PLA2G4C: variants seen among roughly 807,000 people sequenced by gnomAD.
PLA2G4C encodes the protein phospholipase A2 group IVC.
PLA2G4C carries 64 observed loss-of-function variants against 73.8 expected under a neutral mutation model. That is an observed-to-expected ratio of 0.87 (90% CI 0.71 to 1.07). The LOEUF (loss-of-function observed/expected upper bound fraction) is 1.07, where lower values mean the gene tolerates loss of function less well. Among genes scored for constraint, PLA2G4C ranks in the 50% least tolerant of loss-of-function variants. The pLI is 0.00. For synonymous variants in PLA2G4C, 254 were observed against 252.1 expected, an observed-to-expected ratio of 1.01 and a Z score of -0.07; for missense variants, 622 against 665.4, an observed-to-expected ratio of 0.93 and a Z score of 0.72.
At chr19:48,100,288 G>A (rs944685154) in intron 4 of PLA2G4C, among the ~76,000 whole-genome samples, 7 of 152,036 alleles carry the variant, frequency 4.6e-5, no homozygotes, top group East Asian at 1.9e-4. Context: ...AGGACGAGGC[G>A]GGAGGATTGC....
Position 48,090,418 on chromosome 19 carries a change from C to G in PLA2G4C, c.710-1G>C. The G allele has an allele frequency of 6.2e-7, 1 of 1,610,378 alleles. No homozygotes were observed. The highest frequency in any genetic ancestry group is 8.5e-7 in the Non-Finnish European group (1 of 1,176,622). ...TTACCAAGAGCACTTCCCCATAAAC[C>G]TGCCAAGAAAAGAGCAATAAAATTC... On this transcript the variant is annotated splice_acceptor_variant, in intron 7 of 16. Coordinates refer to ENST00000599921, the MANE Select transcript of PLA2G4C (RefSeq NM_003706.3). LOFTEE classifies it high-confidence loss of function.
At chr19:48,059,893 C>T (rs780564986) in intron 14 of PLA2G4C, among the ~76,000 whole-genome samples, 6 of 151,648 alleles carry the variant, frequency 4.0e-5, no homozygotes, top group East Asian at 1.9e-4. Context: ...CTCAGCCTCC[C>T]GAGTAGCTGG....
chr19:48,105,215 A>ATAGAAGTTCATATCCTTCTATTTCTG (rs1568456398), intron 3 of PLA2G4C, 118 bp downstream of exon 3: 2 of 676,724 alleles, frequency 3.0e-6, no homozygotes, highest in Admixed American at 2.6e-5. Context: ...TTCTATTTCT[A>ATAGAAGTTCATATCCTTCTATTTCTG]TCCCATAGAA....
chr19:48,097,831 G>A (rs1340065504), intron 6 of PLA2G4C: 2 of 294,172 alleles, frequency 6.8e-6, no homozygotes, highest in Non-Finnish European at 1.3e-5. Context: ...GTTGCCCAGG[G>A]TGGTCTCCAA....
chr19:48,066,813 A>C (rs557500108), intron 13 of PLA2G4C, among the ~76,000 whole-genome samples: 8 of 151,882 alleles, frequency 5.3e-5, no homozygotes, highest in Non-Finnish European at 1.2e-4. Flanking sequence ...AAAAAGAAAA[A>C]GAAAAATTAG....
intron 4 of PLA2G4C, among the ~76,000 whole-genome samples, chr19:48,100,628 A>AAT (rs71181646): frequency 1.4e-5 from 2 of 144,642 alleles, no homozygotes; most frequent in South Asian, 4.4e-4. Context: ...AAAAAAAAAA[A>AAT]GCTGGGCGTG....
chr19:48,077,745 G>A lies in PLA2G4C; in HGVS notation c.898+26C>T, dbSNP rs774319344. The stretch of plus-strand genomic sequence containing the variant: ...GTGTGCAGTCCACACTATCATTAGG[G>A]ATTCATGGCAAAGTAGGATGCTTAC... On this transcript the variant is annotated intron_variant, in intron 11 of 16. Transcript: ENST00000599921. 37 of 1,565,992 alleles carry A rather than the reference G, an allele frequency of 2.4e-5. No homozygotes were observed. The South Asian group carries it at 4.1e-4, about 17-fold the overall frequency.
intron 13 of PLA2G4C, 47 bp from the exon 14 acceptor site, chr19:48,062,199 A>T: frequency 6.7e-7 from 1 of 1,487,928 alleles, no homozygotes; most frequent in South Asian, 1.3e-5. Flanking sequence ...TGGGGACTGA[A>T]AGCAAGACTT....
intron 14 of PLA2G4C, among the ~76,000 whole-genome samples, chr19:48,056,116 A>G (rs1471958930): frequency 2.6e-5 from 4 of 152,188 alleles, no homozygotes; most frequent in African/African-American, 9.7e-5. Flanking sequence ...CCTGAACCAG[A>G]GCAAAAGGAC....
intron 4 of PLA2G4C, among the ~76,000 whole-genome samples, chr19:48,101,128 T>A (rs251673): frequency 0.019 from 608 of 31,780 alleles, 1 homozygote; most frequent in South Asian, 0.043. Context: ...ATATATATAT[T>A]TTTTTTTTTT....
At chr19:48,078,928 G>C (rs968445033) in intron 10 of PLA2G4C, among the ~76,000 whole-genome samples, 1 of 144,384 alleles carries the variant, frequency 6.9e-6, no homozygotes, top group African/African-American at 2.6e-5. Flanking sequence ...GGAGTGCAAT[G>C]GCCAATTTTG....
intron 6 of PLA2G4C, among the ~76,000 whole-genome samples, chr19:48,097,375 C>T (rs1195578313): frequency 1.3e-5 from 2 of 148,996 alleles, no homozygotes; most frequent in African/African-American, 5.0e-5. Context: ...GCCTCAGCCT[C>T]CCGAGCAGCT....
At chr19:48,064,150 C>T (rs758368721) in intron 13 of PLA2G4C, among the ~76,000 whole-genome samples, 40 of 152,194 alleles carry the variant, frequency 2.6e-4, no homozygotes, top group Non-Finnish European at 3.8e-4. Flanking sequence ...CTATTTTGGC[C>T]GGGCACGGTG....
At position 48,051,214 on chromosome 19, in the gene PLA2G4C, A is replaced by T. The variant is rs192437021; in HGVS notation, c.1580+1783T>A. ...CCCTAGAAGCTGAAAAAGGCAAGGA[A>T]CAGCTTCTCCCCTGGAGCCTCCGCA... On this transcript the variant is annotated intron_variant, in intron 16 of 16. Transcript: ENST00000599921. 4.9e-4 allele frequency among the ~76,000 whole-genome samples: 74 copies of T among 152,160 alleles called. No homozygotes were observed. In the East Asian group the frequency reaches 0.014, roughly 28 times the overall value.
intron 8 of PLA2G4C, chr19:48,090,062 C>T (rs1311847325): frequency 2.8e-6 from 1 of 351,960 alleles, no homozygotes; most frequent in Non-Finnish European, 5.2e-6. Context: ...ATATTCATAA[C>T]TACTGTTATT....
intron 10 of PLA2G4C, among the ~76,000 whole-genome samples, chr19:48,083,851 G>A (rs2030803823): frequency 6.6e-6 from 1 of 151,980 alleles, no homozygotes. Flanking sequence ...AGGCAGACAG[G>A]CTTTGGATCA....
intron 2 of PLA2G4C, among the ~76,000 whole-genome samples, chr19:48,105,897 C>T (rs1372070888): frequency 2.5e-3 from 6 of 2,400 alleles, no homozygotes; most frequent in African/African-American, 0.021. Flanking sequence ...TTCCCTCCCT[C>T]CCTCCCTCCC....
At position 48,110,529 on chromosome 19, in the gene PLA2G4C, T is replaced by C. The variant is rs1169693240; in HGVS notation, c.-75A>G. The C allele has an allele frequency of 1.3e-6, 2 of 1,534,236 alleles. No homozygotes were observed. The highest frequency in any genetic ancestry group is 1.7e-6 in the Non-Finnish European group (2 of 1,143,154). ...GCGTGTGCGCATGCGCGGTGGAGCT[T>C]GTGCTCCGGAATCCGGTGCGGAGGC... On this transcript the variant is annotated 5_prime_UTR_variant, in exon 1 of 17. Transcript: ENST00000599921.
intron 10 of PLA2G4C, among the ~76,000 whole-genome samples, chr19:48,078,153 A>C (rs966031266): frequency 1.3e-5 from 2 of 152,216 alleles, no homozygotes; most frequent in Non-Finnish European, 2.9e-5. Flanking sequence ...GAAGCATTTC[A>C]CAAAATCCCA....
Sources: gnomAD v4.1 joint callset for allele counts (sites outside exome capture counted in the v4.1 genomes callset) on GRCh38, gnomAD v4.1.1 for gene constraint, MANE v1.5 for transcripts, NCBI Gene and HGNC (gene_info 2026-07-23, HGNC 2026-07-21) for gene names.